The following ELOVL2 variants were observed in gnomAD, a reference collection of about 807,000 sequenced individuals.
ELOVL2 encodes very long chain fatty acid elongase 2.
Under a neutral mutation model 37.7 loss-of-function variants are expected in ELOVL2, and 38 were observed. The ratio of observed to expected loss-of-function variants is 1.01; its 90% confidence interval spans 0.78 to 1.32. ELOVL2 has a LOEUF of 1.32. Ranked by LOEUF, ELOVL2 falls within the 40% of genes most tolerant of loss-of-function variation. The probability of loss-of-function intolerance (pLI) is 0.00; values close to 1 mark genes in which losing one functional copy is unlikely to be tolerated. For synonymous variants in ELOVL2, 115 were observed against 122.3 expected (o/e 0.94, Z 0.40); for missense variants, 352 against 363.6 (o/e 0.97, Z 0.26).
intron 5 of ELOVL2, among the ~76,000 whole-genome samples, chr6:10,992,218 C>A (rs1782174107): frequency 6.6e-6 from 1 of 152,180 alleles, no homozygotes; most frequent in Non-Finnish European, 1.5e-5. Context: ...CTCTAGTGTT[C>A]ATTTGTACCT....
rs1344071987 is a variant in ELOVL2, at chr6:11,026,875, T to G, written c.4-16066A>C. 2.0e-5 allele frequency among the ~76,000 whole-genome samples: 3 copies of G among 152,328 alleles called. No individual in the cohort carries two copies. In the East Asian group the frequency reaches 5.8e-4, roughly 29 times the overall value. On this transcript the variant is annotated intron_variant, in intron 1 of 7. Transcript: ENST00000354666. ...TTACATAGAGATTTCTTTTAAAATA[T>G]TTAATTGACAAAAATTGTATTTATT...
chr6:10,981,364 A>G lies in ELOVL2; in HGVS notation c.*2417T>C, dbSNP rs981186244. On this transcript the variant is annotated 3_prime_UTR_variant, in exon 8 of 8. Transcript: ENST00000354666. ...AAGCATTTTGGTTTTTTGAAGTTAC[A>G]ACACTTAACGACAGGTTAAAATGTT... 3 of 152,656 alleles carry G rather than the reference A, an allele frequency of 2.0e-5. No homozygotes were observed. The highest frequency in any genetic ancestry group is 4.4e-5 in the Non-Finnish European group (3 of 68,042). The allele number at this position is 152,656 out of a possible 1,614,324, so 9.5% of individuals were successfully genotyped here. A position where few individuals can be genotyped will look rare whatever the true frequency, so the allele number is the denominator to read the frequency against.
chr6:11,007,870 T>C (rs1050835626), intron 2 of ELOVL2, among the ~76,000 whole-genome samples: 1 of 152,232 alleles, frequency 6.6e-6, no homozygotes, highest in African/African-American at 2.4e-5. Flanking sequence ...CAAACTAATA[T>C]AGCACCTGAG....
intron 4 of ELOVL2, among the ~76,000 whole-genome samples, chr6:10,999,794 C>T (rs909095450): frequency 2.6e-5 from 4 of 152,172 alleles, no homozygotes; most frequent in Non-Finnish European, 5.9e-5. Context: ...ACACGGTCTG[C>T]AAGTTGCTTT....
rs565283481 is a variant in ELOVL2 at position 11,033,625 on chromosome 6, C to T, written c.3+10603G>A. On this transcript the variant is annotated intron_variant, in intron 1 of 7. Transcript: ENST00000354666. ...AGTTTTATGAGTGCATAAGTGAGAA[C>T]CATTCAATAAGAAAAGTTGTTTTGA... Among the ~76,000 whole-genome samples the T allele has an allele frequency of 2.0e-5, 3 of 152,220 alleles. No individual in the cohort carries two copies. In the East Asian group the frequency reaches 5.8e-4, roughly 29 times the overall value.
chr6:11,035,406 T>C (rs920569779), intron 1 of ELOVL2, among the ~76,000 whole-genome samples: 1 of 152,226 alleles, frequency 6.6e-6, no homozygotes, highest in African/African-American at 2.4e-5. Context: ...GGAATGTGCA[T>C]TTAAATATAT....
At position 10,983,237 on chromosome 6, in the gene ELOVL2, G is replaced by C. The variant is rs1781973942; in HGVS notation, c.*544C>G. On this transcript the variant is annotated 3_prime_UTR_variant, in exon 8 of 8. Transcript: ENST00000354666. ...CTGATAGACAAGACTCTGGCTTACAGAAAGAGAAGTTTTGCTAGATTTTTC... is the reference window on the plus strand; with the variant it reads ...CTGATAGACAAGACTCTGGCTTACACAAAGAGAAGTTTTGCTAGATTTTTC... The C allele has an allele frequency of 6.6e-6, 1 of 152,192 alleles. No homozygotes were observed. Among genetic ancestry groups the C allele is most frequent in the East Asian group, 1.9e-4 (1 of 5,198 alleles). 9.4% of individuals were successfully genotyped at this position (152,192 alleles called of 1,614,324 possible).
At chr6:10,996,498 T>C (rs537461741) in intron 4 of ELOVL2, among the ~76,000 whole-genome samples, 1 of 151,992 alleles carries the variant, frequency 6.6e-6, no homozygotes, top group African/African-American at 2.4e-5. Flanking sequence ...TGAAACCTCA[T>C]CTCCACTAAA....
At chr6:11,016,244 T>C (rs188402899) in intron 1 of ELOVL2, among the ~76,000 whole-genome samples, 32 of 152,342 alleles carry the variant, frequency 2.1e-4, no homozygotes, top group Admixed American at 1.8e-3. Flanking sequence ...GGCATTGTGT[T>C]GTATAAAAAT....
At chr6:11,043,487 C>CACAACACACACACACACAT (rs1414886573) in intron 1 of ELOVL2, 1 of 154,618 alleles carries the variant, frequency 6.5e-6, no homozygotes, top group Non-Finnish European at 1.4e-5. Context: ...CACACACACA[C>CACAACACACACACACACAT]AGCTTACTGC....
At chr6:10,990,495 C>A in intron 5 of ELOVL2, 53 bp from the exon 6 acceptor site, 6 of 1,504,956 alleles carry the variant, frequency 4.0e-6, no homozygotes, top group Non-Finnish European at 5.3e-6. Context: ...ACTGTTCATT[C>A]TTCTTTGTCA....
chr6:10,981,265 A>G lies in ELOVL2; in HGVS notation c.*2516T>C, dbSNP rs3734396. The G allele has an allele frequency of 0.024, 3,654 of 152,658 alleles. 169 individuals are homozygous for G. The highest frequency in any genetic ancestry group is 0.21 in the East Asian group (1,065 of 5,190). The allele number at this position is 152,658 out of a possible 1,614,324, so 9.5% of individuals were successfully genotyped here. On this transcript the variant is annotated 3_prime_UTR_variant, in exon 8 of 8. Transcript: ENST00000354666. Reference sequence around the variant, plus strand: ...ATGGGTCAGAGGAAATTTGAGAGAAAACATTCTCCATTTTTTTTAATAGAT... The same window carrying G: ...ATGGGTCAGAGGAAATTTGAGAGAAGACATTCTCCATTTTTTTTAATAGAT...
At chr6:10,990,728 T>A (rs1188307712) in intron 5 of ELOVL2, among the ~76,000 whole-genome samples, 1 of 151,142 alleles carries the variant, frequency 6.6e-6, no homozygotes, top group African/African-American at 2.5e-5. Flanking sequence ...TCTTTAACCG[T>A]CACTACTATC....
intron 5 of ELOVL2, among the ~76,000 whole-genome samples, chr6:10,990,672 C>CCG (rs973620552): frequency 1.4e-4 from 15 of 108,910 alleles, no homozygotes; most frequent in African/African-American, 4.5e-4. Flanking sequence ...AGAATGCCCC[C>CCG]CCCCCGCCAC....
intron 4 of ELOVL2, among the ~76,000 whole-genome samples, chr6:10,999,640 C>T (rs551233993): frequency 2.6e-5 from 4 of 152,314 alleles, no homozygotes; most frequent in Middle Eastern, 3.4e-3. Context: ...TCCCAAAGTG[C>T]TGGGATTACA....
Position 10,982,237 on chromosome 6 carries a change from A to G in ELOVL2, c.*1544T>C, listed in dbSNP as rs542855240. ...AATCCTCAGAGGGGCAGTTTACATG[A>G]AATAAAAGTACAATTTTTTTAACAG... On this transcript the variant is annotated 3_prime_UTR_variant, in exon 8 of 8. Coordinates refer to ENST00000354666, the MANE Select transcript of ELOVL2 (RefSeq NM_017770.4). 1 of 152,232 alleles carries G rather than the reference A, an allele frequency of 6.6e-6. No individual in the cohort carries two copies. Among genetic ancestry groups the G allele is most frequent in the South Asian group, 2.1e-4 (1 of 4,822 alleles). 9.4% of individuals were successfully genotyped at this position (152,232 alleles called of 1,614,324 possible). A position where few individuals can be genotyped will look rare whatever the true frequency, so the allele number is the denominator to read the frequency against.
chr6:11,039,204 C>T (rs1783061595), intron 1 of ELOVL2, among the ~76,000 whole-genome samples: 1 of 152,214 alleles, frequency 6.6e-6, no homozygotes, highest in Non-Finnish European at 1.5e-5. Context: ...AGTGAGTAAA[C>T]AGTGTCTCAA....
chr6:11,029,057 C>CAA (rs61212546), intron 1 of ELOVL2, among the ~76,000 whole-genome samples: 665 of 83,392 alleles, frequency 8.0e-3, no homozygotes, highest in East Asian at 0.011. Context: ...TTTGTCTCTA[C>CAA]AAAAAAAAAA....
chr6:11,014,124 G>A (rs987350204), intron 1 of ELOVL2, among the ~76,000 whole-genome samples: 1 of 152,234 alleles, frequency 6.6e-6, no homozygotes, highest in East Asian at 1.9e-4. Context: ...TTTAACTCTG[G>A]ACCCCTGATT....
Sources: allele counts gnomAD v4.1 joint callset (sites outside exome capture counted in the v4.1 genomes callset), GRCh38; gene constraint gnomAD v4.1.1; transcripts MANE v1.5; gene names NCBI Gene and HGNC (gene_info 2026-07-23, HGNC 2026-07-21).